ACYP2: variants seen among roughly 807,000 people sequenced by gnomAD.
ACYP2 encodes acylphosphatase-2.
ACYP2 carries 12 observed loss-of-function variants against 11.2 expected under a neutral mutation model. The observed-to-expected ratio is 1.08, with a 90% CI of 0.69 to 1.74. ACYP2 has a LOEUF of 1.74. ACYP2 is among the 40% of genes most tolerant of loss of function. ACYP2 has a pLI of 0.00. For missense variants in ACYP2, 134 were observed against 101.9 expected (o/e 1.31, Z -1.35); for synonymous variants, 43 against 32.2 (o/e 1.33, Z -1.13).
chr2:54,255,815 T>C (rs201242741), intron 6 of ACYP2: 1 of 1,613,898 alleles, frequency 6.2e-7, no homozygotes, highest in Non-Finnish European at 8.5e-7. Flanking sequence ...GGAAAGCCAT[T>C]TTTGAGGCTG....
At chr2:54,271,435 GACCATATCCA>G in intron 6 of ACYP2, among the ~76,000 whole-genome samples, 1 of 152,122 alleles carries the variant, frequency 6.6e-6, no homozygotes, top group South Asian at 2.1e-4. Context: ...GCAACTGACT[GACCATATCCA>G]ACCAGTGACT....
At chr2:54,163,588 C>T (rs367872525) in intron 6 of ACYP2, among the ~76,000 whole-genome samples, 25 of 152,234 alleles carry the variant, frequency 1.6e-4, no homozygotes, top group African/African-American at 5.8e-4. Context: ...GGGGCGGTGG[C>T]TCACGCCCGT....
chr2:54,224,310 C>T (rs989114494), intron 6 of ACYP2, among the ~76,000 whole-genome samples: 1 of 152,154 alleles, frequency 6.6e-6, no homozygotes, highest in African/African-American at 2.4e-5. Context: ...ATGTGCTAAA[C>T]ATTGAAGGGT....
chr2:54,010,737 C>CTTTTTTTTTTTTTTT lies in ACYP2; in HGVS notation c.62+36941_62+36955dup, dbSNP rs539896151. Among the ~76,000 whole-genome samples, 122 of 107,614 alleles carry CTTTTTTTTTTTTTTT rather than the reference C, an allele frequency of 1.1e-3. 2 individuals carry two copies. The highest frequency in any genetic ancestry group is 1.7e-3 in the African/African-American group (45 of 27,074). 70.6% of individuals were successfully genotyped at this position (107,614 alleles called of 152,430 possible). ...CTTCGGTTTCTCTTTTTCTTTCTTT[C>CTTTTTTTTTTTTTTT]TTTTTTTTTTTTTTTTTTTTTTTTT... On this transcript the variant is annotated intron_variant, in intron 2 of 6. Coordinates refer to ENST00000607452, the MANE Select transcript of ACYP2 (RefSeq NM_001320586.2).
intron 6 of ACYP2, among the ~76,000 whole-genome samples, chr2:54,245,637 T>C (rs913392276): frequency 1.3e-5 from 2 of 152,150 alleles, no homozygotes; most frequent in African/African-American, 4.8e-5. Flanking sequence ...TTTTTTTCCA[T>C]GTATTTTTTT....
chr2:54,012,856 G>T (rs1287913630), intron 2 of ACYP2, among the ~76,000 whole-genome samples: 1 of 152,010 alleles, frequency 6.6e-6, no homozygotes, highest in Non-Finnish European at 1.5e-5. Flanking sequence ...ATCTCGTTCA[G>T]AGTGAAAGCT....
At chr2:54,291,995 T>C (rs1689328790) in intron 6 of ACYP2, among the ~76,000 whole-genome samples, 1 of 152,208 alleles carries the variant, frequency 6.6e-6, no homozygotes, top group Non-Finnish European at 1.5e-5. Flanking sequence ...AGAAATTTAT[T>C]TGCAGCAAAC....
chr2:54,117,483 G>C (rs1231361635), intron 4 of ACYP2, among the ~76,000 whole-genome samples: 1 of 152,070 alleles, frequency 6.6e-6, no homozygotes, highest in East Asian at 1.9e-4. Flanking sequence ...TTTTTGTAGA[G>C]AAAGGGTCTC....
intron 6 of ACYP2, among the ~76,000 whole-genome samples, chr2:54,239,811 G>A (rs910099418): frequency 2.6e-5 from 4 of 152,162 alleles, no homozygotes; most frequent in African/African-American, 7.2e-5. Context: ...TCACCAAGAA[G>A]CTAAATATGC....
intron 4 of ACYP2, among the ~76,000 whole-genome samples, chr2:54,110,663 C>A (rs1679410649): frequency 6.6e-6 from 1 of 152,092 alleles, no homozygotes; most frequent in Admixed American, 6.5e-5. Context: ...TTTAGTCCAA[C>A]ACCCACCTCA....
chr2:54,068,131 C>G (rs1005897135), intron 4 of ACYP2, among the ~76,000 whole-genome samples: 32 of 152,194 alleles, frequency 2.1e-4, no homozygotes, highest in African/African-American at 7.7e-4. Flanking sequence ...GATTGATTCT[C>G]TAATGCTCTT....
At chr2:54,102,432 C>T (rs1196692149) in intron 4 of ACYP2, among the ~76,000 whole-genome samples, 2 of 151,992 alleles carry the variant, frequency 1.3e-5, no homozygotes, top group African/African-American at 4.8e-5. Flanking sequence ...AATGATGTCA[C>T]AGAAAGTGCT....
chr2:54,037,348 CA>C (rs1221674628), intron 2 of ACYP2, among the ~76,000 whole-genome samples: 2 of 152,282 alleles, frequency 1.3e-5, no homozygotes, highest in Non-Finnish European at 2.9e-5. Flanking sequence ...CTCCTGTTCT[CA>C]AGTGATCCAC....
intron 2 of ACYP2, among the ~76,000 whole-genome samples, chr2:53,989,802 G>A (rs1229480830): frequency 6.6e-6 from 1 of 152,062 alleles, no homozygotes; most frequent in Non-Finnish European, 1.5e-5. Flanking sequence ...GTGAGTAGTG[G>A]CTGCCTACAG....
chr2:54,004,247 A>T (rs1672943329), intron 2 of ACYP2, among the ~76,000 whole-genome samples: 1 of 151,994 alleles, frequency 6.6e-6, no homozygotes, highest in Non-Finnish European at 1.5e-5. Flanking sequence ...TCGGCCTCCC[A>T]AAGTGCTGGG....
intron 4 of ACYP2, among the ~76,000 whole-genome samples, chr2:54,061,708 C>A (rs1021915864): frequency 3.9e-5 from 6 of 152,136 alleles, no homozygotes; most frequent in African/African-American, 1.2e-4. Context: ...GCTGCTGTAA[C>A]AAATGGCCAC....
Position 54,114,692 on chromosome 2 carries a change from C to T in ACYP2, c.278-20761C>T, listed in dbSNP as rs372321493. On this transcript the variant is annotated intron_variant, in intron 4 of 6. Transcript: ENST00000607452. ...AGAGCGAAACTCCGTCTCAAAACAA[C>T]AGCAACAAACCCACACCAAAAAAAC... Among the ~76,000 whole-genome samples, 3 of 152,272 alleles carry T rather than the reference C, an allele frequency of 2.0e-5. No homozygotes were observed. The East Asian group carries it at 5.8e-4, about 29-fold the overall frequency.
At chr2:54,097,465 C>T (rs1678652365) in intron 4 of ACYP2, among the ~76,000 whole-genome samples, 2 of 152,230 alleles carry the variant, frequency 1.3e-5, no homozygotes, top group African/African-American at 2.4e-5. Flanking sequence ...TATCCCATTC[C>T]TCAGAGGCAC....
rs367599541 is a variant in ACYP2, at chr2:53,980,872, C to T, written c.62+7062C>T. Among the ~76,000 whole-genome samples the T allele has an allele frequency of 5.9e-5, 9 of 152,240 alleles. No homozygotes were observed. In the East Asian group the frequency reaches 1.2e-3, roughly 20 times the overall value. ...GGCTCAGGTGATCCTCCCACCTCAG[C>T]CTCCCGAGTAGCTGTGACTACAGGT... On this transcript the variant is annotated intron_variant, in intron 2 of 6. Coordinates refer to ENST00000607452, the MANE Select transcript of ACYP2 (RefSeq NM_001320586.2).
Sources: allele counts gnomAD v4.1 joint callset (sites outside exome capture counted in the v4.1 genomes callset), GRCh38; gene constraint gnomAD v4.1.1; transcripts MANE v1.5; gene names NCBI Gene and HGNC (gene_info 2026-07-23, HGNC 2026-07-21).